DPYSL2: variants seen among roughly 807,000 people sequenced by gnomAD.
DPYSL2 encodes the protein dihydropyrimidinase like 2, also known as dihydropyrimidinase-related protein 2.
A neutral mutation model predicts 69.9 loss-of-function variants in DPYSL2; 13 were observed. The observed-to-expected ratio is 0.19, with a 90% CI of 0.12 to 0.30. The LOEUF is 0.30. Ranked by LOEUF, DPYSL2 falls within the 10% of genes least tolerant of loss-of-function variation. DPYSL2 has a pLI of 1.00. For synonymous variants in DPYSL2, 326 were observed against 359.1 expected, an observed-to-expected ratio of 0.91 and a Z score of 1.04; for missense variants, 587 against 918.9, an observed-to-expected ratio of 0.64 and a Z score of 4.67.
chr8:26,622,252 G>T (rs1051576316), intron 3 of DPYSL2, among the ~76,000 whole-genome samples: 1 of 149,962 alleles, frequency 6.7e-6, no homozygotes, highest in Non-Finnish European at 1.5e-5. Flanking sequence ...GAATTATTTT[G>T]TCAACTTTTC....
chr8:26,620,071 A>C lies in DPYSL2; in HGVS notation c.629-4072A>C. 6.6e-6 allele frequency: 1 copy of C among 151,240 alleles called. No individual in the cohort carries two copies. The highest frequency in any genetic ancestry group is 1.9e-4 in the East Asian group (1 of 5,192). The allele number at this position is 151,240 out of a possible 1,614,324, so 9.4% of individuals were successfully genotyped here. On this transcript the variant is annotated intron_variant, in intron 3 of 13. Coordinates refer to ENST00000521913, the MANE Select transcript of DPYSL2 (RefSeq NM_001197293.3). This position sits in a 1 kb window ranked among gnomAD's most constrained non-coding sequence, Gnocchi z 4.5. ...CTAGTGGTTGCCAGGGGCTGGGAGT[A>C]GCAGGCTAGGAGGGAATGGGGAGTG... is the stretch of plus-strand genomic sequence containing the variant.
chr8:26,517,701 C>T lies in DPYSL2; in HGVS notation c.354+3022C>T, dbSNP rs890667870. On this transcript the variant is annotated intron_variant, in intron 1 of 13. Transcript: ENST00000521913. This position sits in a 1 kb window ranked among gnomAD's most constrained non-coding sequence, Gnocchi z 4.2. ...CCATAAGAATGCTTTTCAAAGGGGC[C>T]TCTAGGCCCTTTTCCCAGCAGCAAA... 6.6e-6 allele frequency among the ~76,000 whole-genome samples: 1 copy of T among 152,216 alleles called. No individual in the cohort carries two copies. Among genetic ancestry groups the T allele is most frequent in the African/African-American group, 2.4e-5 (1 of 41,446 alleles).
chr8:26,575,820 AATTT>A (rs1801317652), intron 1 of DPYSL2, among the ~76,000 whole-genome samples: 1 of 152,220 alleles, frequency 6.6e-6, no homozygotes, highest in Admixed American at 6.5e-5. Flanking sequence ...GTTTTAAATT[AATTT>A]GAGTCTCTTT....
At chr8:26,551,768 C>T (rs1800878067) in intron 1 of DPYSL2, among the ~76,000 whole-genome samples, 1 of 152,118 alleles carries the variant, frequency 6.6e-6, no homozygotes, top group Admixed American at 6.5e-5. Context: ...AAATCAGTAA[C>T]AGGAAGATAG....
At position 26,598,991 on chromosome 8, in the gene DPYSL2, G is replaced by A. The variant is rs556003971; in HGVS notation, c.628+15008G>A. On this transcript the variant is annotated intron_variant, in intron 3 of 13. Coordinates refer to ENST00000521913, the MANE Select transcript of DPYSL2 (RefSeq NM_001197293.3). The surrounding 1 kb of genome is among the most constrained non-coding windows in gnomAD (Gnocchi z 4.2). ...AGTGCCCTTCTTGTGAAGGAAGCTC[G>A]TTCTCTACCGAAAAGCTCACTTTTC... Among the ~76,000 whole-genome samples, 65 of 152,326 alleles carry A rather than the reference G, an allele frequency of 4.3e-4. No individual in the cohort carries two copies. The highest frequency in any genetic ancestry group is 4.3e-4 in the Non-Finnish European group (29 of 68,030).
intron 11 of DPYSL2, among the ~76,000 whole-genome samples, chr8:26,649,074 A>G (rs985658231): frequency 6.6e-6 from 1 of 152,208 alleles, no homozygotes; most frequent in Non-Finnish European, 1.5e-5. Context: ...ATGTGCCTGT[A>G]ACTTCACATT....
At chr8:26,555,272 G>T (rs1038018084) in intron 1 of DPYSL2, among the ~76,000 whole-genome samples, 2 of 150,624 alleles carry the variant, frequency 1.3e-5, no homozygotes, top group East Asian at 1.9e-4. Context: ...AGCAAGAAAA[G>T]AAAAAAAAGG....
chr8:26,558,624 C>A (rs984964049), intron 1 of DPYSL2, among the ~76,000 whole-genome samples: 2 of 152,164 alleles, frequency 1.3e-5, no homozygotes, highest in African/African-American at 2.4e-5. Flanking sequence ...TGGCTCATCA[C>A]TTGTAACATA....
Position 26,652,120 on chromosome 8 carries a change from G to C in DPYSL2, c.1597-137G>C, listed in dbSNP as rs1334199944. 5 of 699,558 alleles carry C rather than the reference G, an allele frequency of 7.1e-6. No individual in the cohort carries two copies. The highest frequency in any genetic ancestry group is 1.1e-5 in the Non-Finnish European group (5 of 457,408). 43.3% of individuals were successfully genotyped at this position (699,558 alleles called of 1,614,324 possible). On this transcript the variant is annotated intron_variant, in intron 11 of 13. Transcript: ENST00000521913. This position sits in a 1 kb window ranked among gnomAD's most constrained non-coding sequence, Gnocchi z 6.3. ...GAGACACAGCAAGTAAGTGCCTGCT[G>C]GGGTGCCCAGTTGGGACAGGATCCC...
rs1255014819 is a variant in DPYSL2 at position 26,514,719 on chromosome 8, G to C, written c.354+40G>C. The C allele has an allele frequency of 4.5e-6, 6 of 1,335,406 alleles. No individual in the cohort carries two copies. The highest frequency in any genetic ancestry group is 5.8e-6 in the Non-Finnish European group (6 of 1,036,708). 82.7% of individuals were successfully genotyped at this position (1,335,406 alleles called of 1,614,324 possible). A position where few individuals can be genotyped will look rare whatever the true frequency, so the allele number is the denominator to read the frequency against. ...TGGGGGTGGAGACGGAGGACGGGGC[G>C]CGGGGATCGCCCCTCCCTCGCCCCT... On this transcript the variant is annotated intron_variant, in intron 1 of 13. Coordinates refer to ENST00000521913, the MANE Select transcript of DPYSL2 (RefSeq NM_001197293.3). This position sits in a 1 kb window ranked among gnomAD's most constrained non-coding sequence, Gnocchi z 8.4.
At chr8:26,541,654 T>C (rs1402144422) in intron 1 of DPYSL2, among the ~76,000 whole-genome samples, 1 of 152,160 alleles carries the variant, frequency 6.6e-6, no homozygotes, top group Non-Finnish European at 1.5e-5. Flanking sequence ...AAAAGAAGCA[T>C]TCTTTGTCTA....
chr8:26,552,073 C>T (rs1283027470), intron 1 of DPYSL2, among the ~76,000 whole-genome samples: 1 of 152,112 alleles, frequency 6.6e-6, no homozygotes, highest in Non-Finnish European at 1.5e-5. Context: ...CTCAGCCTCC[C>T]AAAACATTGG....
chr8:26,531,256 C>T (rs1213373750), intron 1 of DPYSL2, among the ~76,000 whole-genome samples: 5 of 152,138 alleles, frequency 3.3e-5, no homozygotes, highest in Non-Finnish European at 5.9e-5. Context: ...AGGCCCACAA[C>T]GGAGGTCTGA....
intron 3 of DPYSL2, among the ~76,000 whole-genome samples, chr8:26,616,862 A>T (rs1357146081): frequency 6.6e-6 from 1 of 151,616 alleles, no homozygotes; most frequent in Non-Finnish European, 1.5e-5. Context: ...AAGGCTCCTC[A>T]TCCTCCCTCC....
chr8:26,592,512 G>C (rs1801754221), intron 3 of DPYSL2, among the ~76,000 whole-genome samples: 1 of 128,678 alleles, frequency 7.8e-6, no homozygotes. Context: ...TTTTGCTCTT[G>C]TTGCCCAGGC....
At position 26,656,422 on chromosome 8, in the gene DPYSL2, T is replaced by G. The variant is rs765024423; in HGVS notation, c.*716T>G. ...TATTGGCCTAGATTTTGCTGCAGAT[T>G]AAATCCTTTGAGGATTCTCTTCTCT... On this transcript the variant is annotated 3_prime_UTR_variant, in exon 14 of 14. Transcript: ENST00000521913. 2.0e-5 allele frequency: 3 copies of G among 152,614 alleles called. No homozygotes were observed. The highest frequency in any genetic ancestry group is 2.9e-5 in the Non-Finnish European group (2 of 68,022). The allele number at this position is 152,614 out of a possible 1,614,324, so 9.5% of individuals were successfully genotyped here.
At position 26,624,131 on chromosome 8, in the gene DPYSL2, GTTTC is replaced by G. The variant is rs1563414546; in HGVS notation, c.629-6_629-3del. 2 of 1,613,992 alleles carry G rather than the reference GTTTC, an allele frequency of 1.2e-6. No homozygotes were observed. The highest frequency in any genetic ancestry group is 2.2e-5 in the South Asian group (2 of 91,076). The stretch of plus-strand genomic sequence containing the variant: ...CTCTTGGTGATGATGACATATGTCT[GTTTC>G]TTTCTAGTTGACCACGTTGTTCCTG... On this transcript the variant is annotated splice_polypyrimidine_tract_variant and splice_region_variant and intron_variant, in intron 3 of 13. Transcript: ENST00000521913. This position sits in a 1 kb window ranked among gnomAD's most constrained non-coding sequence, Gnocchi z 4.7.
intron 1 of DPYSL2, among the ~76,000 whole-genome samples, chr8:26,537,315 C>T (rs190793929): frequency 1.3e-5 from 2 of 152,232 alleles, no homozygotes; most frequent in East Asian, 1.9e-4. Context: ...AGGCTGCCTT[C>T]GCTTGCTGCA....
intron 1 of DPYSL2, among the ~76,000 whole-genome samples, chr8:26,527,598 G>A (rs1025528792): frequency 3.9e-5 from 6 of 152,090 alleles, no homozygotes; most frequent in East Asian, 3.9e-4. Flanking sequence ...GTTTTTACAC[G>A]CACATTTCAA....
Sources: allele counts gnomAD v4.1 joint callset (sites outside exome capture counted in the v4.1 genomes callset), GRCh38; gene constraint gnomAD v4.1.1; non-coding constraint Gnocchi (gnomAD v3.1); transcripts MANE v1.5; gene names NCBI Gene and HGNC (gene_info 2026-07-23, HGNC 2026-07-21).